The following KDM2B variants were observed in gnomAD, a reference collection of about 807,000 sequenced individuals.
KDM2B encodes lysine demethylase 2B.
In KDM2B, 26 loss-of-function variants were observed where a neutral mutation model predicts 150.0. The ratio of observed to expected loss-of-function variants is 0.17; its 90% confidence interval spans 0.13 to 0.24. The LOEUF (loss-of-function observed/expected upper bound fraction) is 0.24. Ranked by LOEUF, KDM2B falls within the 10% of genes least tolerant of loss-of-function variation. The probability of loss-of-function intolerance (pLI) is 1.00; values close to 1 mark genes in which losing one functional copy is unlikely to be tolerated. For synonymous variants in KDM2B, 734 were observed against 729.5 expected, an observed-to-expected ratio of 1.01 and a Z score of -0.10; for missense variants, 1,265 against 1,816.9, an observed-to-expected ratio of 0.70 and a Z score of 5.52.
chr12:121,440,844 G>C lies in KDM2B; in HGVS notation c.3582C>G (p.Leu1194=). 6.2e-7 allele frequency: 1 copy of C among 1,613,740 alleles called. No homozygotes were observed. The highest frequency in any genetic ancestry group is 8.5e-7 in the Non-Finnish European group (1 of 1,179,774). ...EGLKDAQMRD[L]LSPPTDNRPG... ...GCCTGTTGTCTGTGGGCGGGGACAGGAGATCCCGCATCTGGGCATCCTTTA... is the reference window on the plus strand; with the variant it reads ...GCCTGTTGTCTGTGGGCGGGGACAGCAGATCCCGCATCTGGGCATCCTTTA... The change falls in exon 21 of 23, where the codon CTC becomes CTG. Residue 1194 remains leucine (L), a synonymous_variant. Coordinates refer to ENST00000377071, the MANE Select transcript of KDM2B (RefSeq NM_032590.5).
At position 121,467,419 on chromosome 12, in the gene KDM2B, C is replaced by T. The variant is rs1266077546; in HGVS notation, c.1735-14075G>A. The T allele has an allele frequency of 5.7e-5, 50 of 877,476 alleles. No homozygotes were observed. Among genetic ancestry groups the T allele is most frequent in the African/African-American group, 1.1e-4 (6 of 54,538 alleles). The allele number at this position is 877,476 out of a possible 1,614,324, so 54.4% of individuals were successfully genotyped here. A position where few individuals can be genotyped will look rare whatever the true frequency, so the allele number is the denominator to read the frequency against. On this transcript the variant is annotated intron_variant, in intron 12 of 22. Coordinates refer to ENST00000377071, the MANE Select transcript of KDM2B (RefSeq NM_032590.5). This position sits in a 1 kb window ranked among gnomAD's most constrained non-coding sequence, Gnocchi z 5.1. ...GGGCCGGCGGGGGAGGGCCGGGGCG[C>T]CATGCATATGCATGAGGCGAGCCAG...
intron 12 of KDM2B, among the ~76,000 whole-genome samples, chr12:121,472,812 A>C (rs1201656331): frequency 1.3e-5 from 2 of 152,216 alleles, no homozygotes; most frequent in Non-Finnish European, 2.9e-5. Context: ...AGGCAAATTG[A>C]ATGACACAAG....
chr12:121,459,013 G>A (rs1214242046), intron 12 of KDM2B, among the ~76,000 whole-genome samples: 1 of 150,700 alleles, frequency 6.6e-6, no homozygotes, highest in Non-Finnish European at 1.5e-5. Context: ...TTGAACCCGG[G>A]AGGCAGAGGT....
chr12:121,502,760 C>CCA (rs1884688149), intron 11 of KDM2B, among the ~76,000 whole-genome samples: 2 of 45,186 alleles, frequency 4.4e-5, no homozygotes, highest in Non-Finnish European at 9.9e-5. Flanking sequence ...CCATCTCTAC[C>CCA]AAAAAAAAAA....
intron 22 of KDM2B, chr12:121,433,237 CTG>C (rs1555285951): frequency 6.6e-6 from 3 of 456,540 alleles, no homozygotes; most frequent in South Asian, 3.1e-5. Flanking sequence ...TTTGGTCCCT[CTG>C]TGCGTTAGAG....
intron 6 of KDM2B, among the ~76,000 whole-genome samples, chr12:121,543,340 A>G (rs1888754435): frequency 6.6e-6 from 1 of 152,102 alleles, no homozygotes; most frequent in African/African-American, 2.4e-5. Flanking sequence ...TGGGCGACAG[A>G]GTGAAACTCT....
chr12:121,449,074 C>T (rs782418290), intron 13 of KDM2B, among the ~76,000 whole-genome samples: 16 of 151,840 alleles, frequency 1.1e-4, no homozygotes, highest in Admixed American at 4.6e-4. Context: ...ACGGCCCACA[C>T]GGCAAGAAGA....
chr12:121,574,680 C>A (rs2136572799), intron 3 of KDM2B, 87 bp from the exon 4 acceptor site: 1 of 1,198,106 alleles, frequency 8.3e-7, no homozygotes, highest in South Asian at 1.3e-5. Flanking sequence ...GCCATTTTTC[C>A]AAGAGAGATC....
chr12:121,538,393 G>A (rs1228032383), intron 6 of KDM2B, among the ~76,000 whole-genome samples: 3 of 152,152 alleles, frequency 2.0e-5, no homozygotes, highest in African/African-American at 7.2e-5. Flanking sequence ...CCGGAGTATG[G>A]TAGCGCTGAG....
chr12:121,470,326 C>T (rs193226525), intron 12 of KDM2B: 1 of 152,278 alleles, frequency 6.6e-6, no homozygotes, highest in Admixed American at 6.5e-5. Context: ...TTGCCGCTAA[C>T]ACAAACTCCC....
the KDM2B span, among the ~76,000 whole-genome samples, chr12:121,412,720 C>G: frequency 7.0e-6 from 1 of 143,512 alleles, no homozygotes; most frequent in Non-Finnish European, 1.5e-5. Flanking sequence ...TCTAGATGTT[C>G]ATGCTTTTTT....
chr12:121,487,156 G>T lies in KDM2B; in HGVS notation c.1734+7423C>A, dbSNP rs372034501. Among the ~76,000 whole-genome samples, 4 of 152,148 alleles carry T rather than the reference G, an allele frequency of 2.6e-5. No homozygotes were observed. The East Asian group carries it at 5.8e-4, about 22-fold the overall frequency. On this transcript the variant is annotated intron_variant, in intron 12 of 22. Coordinates refer to ENST00000377071, the MANE Select transcript of KDM2B (RefSeq NM_032590.5). The stretch of plus-strand genomic sequence containing the variant: ...ACCTTGTGTCAAACAAAAGAGAAAG[G>T]AAAGAAACAAAAGAAGGAAAGAAAG...
At chr12:121,510,159 T>G in intron 10 of KDM2B, 120 bp from the exon 11 acceptor site, 1 of 850,822 alleles carries the variant, frequency 1.2e-6, no homozygotes, top group Non-Finnish European at 1.8e-6. Flanking sequence ...CTAACAATCC[T>G]AATGGTCAGT....
intron 13 of KDM2B, among the ~76,000 whole-genome samples, chr12:121,450,860 A>C (rs200901308): frequency 0.031 from 3,028 of 97,184 alleles, 110 homozygotes; most frequent in African/African-American, 0.13. Flanking sequence ...GACTCCATCA[A>C]AAAAAAAAAA....
At chr12:121,534,080 T>C (rs1462709011) in intron 7 of KDM2B, among the ~76,000 whole-genome samples, 2 of 151,930 alleles carry the variant, frequency 1.3e-5, no homozygotes, top group African/African-American at 4.8e-5. Context: ...CCGGGCACAG[T>C]GGCTCACGCC....
chr12:121,504,761 A>G (rs1884895471), intron 11 of KDM2B, among the ~76,000 whole-genome samples: 1 of 152,108 alleles, frequency 6.6e-6, no homozygotes. Flanking sequence ...GCATTTCAGG[A>G]GGCCAAGCCA....
At chr12:121,544,766 A>T (rs1052735175) in intron 6 of KDM2B, among the ~76,000 whole-genome samples, 2 of 151,724 alleles carry the variant, frequency 1.3e-5, no homozygotes, top group East Asian at 3.9e-4. Flanking sequence ...TACAAAAATT[A>T]GCTGGGTGTG....
At chr12:121,508,121 C>T (rs1222663825) in intron 11 of KDM2B, among the ~76,000 whole-genome samples, 3 of 152,098 alleles carry the variant, frequency 2.0e-5, no homozygotes, top group Non-Finnish European at 4.4e-5. Context: ...GGGTCTTGCT[C>T]TGTTGCCCAG....
downstream of KDM2B, among the ~76,000 whole-genome samples, chr12:121,426,748 C>G (rs1301400965): frequency 1.3e-5 from 2 of 151,354 alleles, no homozygotes; most frequent in African/African-American, 4.9e-5. Context: ...GCCTTTTCCT[C>G]CTGAGTAGCT....
Sources: allele counts gnomAD v4.1 joint callset (sites outside exome capture counted in the v4.1 genomes callset), GRCh38; gene constraint gnomAD v4.1.1; non-coding constraint Gnocchi (gnomAD v3.1); transcripts MANE v1.5; gene names NCBI Gene and HGNC (gene_info 2026-07-23, HGNC 2026-07-21).